The following GPC5 variants were observed in gnomAD, a reference collection of about 807,000 sequenced individuals.
GPC5 encodes glypican-5.
Under a neutral mutation model 53.9 loss-of-function variants are expected in GPC5, and 47 were observed. That is an observed-to-expected ratio of 0.87 (90% CI 0.69 to 1.11). The LOEUF (loss-of-function observed/expected upper bound fraction) is 1.11. Ranked by LOEUF, GPC5 falls within the 50% of genes most tolerant of loss-of-function variation. GPC5 has a pLI of 0.00. For missense variants in GPC5, 748 were observed against 713.1 expected, an observed-to-expected ratio of 1.05 and a Z score of -0.56; for synonymous variants, 286 against 263.3, an observed-to-expected ratio of 1.09 and a Z score of -0.84.
At chr13:92,704,482 A>AT (rs1415290410) in intron 7 of GPC5, among the ~76,000 whole-genome samples, 10 of 152,008 alleles carry the variant, frequency 6.6e-5, no homozygotes, top group African/African-American at 2.2e-4. Context: ...TTTGAAGATG[A>AT]TTTTCCCAAT....
intron 7 of GPC5, among the ~76,000 whole-genome samples, chr13:92,767,665 C>T (rs1357962562): frequency 6.6e-6 from 1 of 152,166 alleles, no homozygotes; most frequent in East Asian, 1.9e-4. Flanking sequence ...CTGTTAGTTA[C>T]ACTGACATAC....
chr13:91,904,719 A>G, intron 5 of GPC5, among the ~76,000 whole-genome samples: 1 of 152,084 alleles, frequency 6.6e-6, no homozygotes, highest in East Asian at 1.9e-4. Context: ...GGAAATTCCT[A>G]TGAGAGAAAA....
At chr13:92,107,967 A>C (rs2041523139) in intron 6 of GPC5, among the ~76,000 whole-genome samples, 1 of 152,288 alleles carries the variant, frequency 6.6e-6, no homozygotes, top group African/African-American at 2.4e-5. Flanking sequence ...TTTTCTCCAT[A>C]AGAAAGTTTC....
At chr13:91,886,677 C>T (rs1039183816) in intron 5 of GPC5, among the ~76,000 whole-genome samples, 10 of 152,276 alleles carry the variant, frequency 6.6e-5, no homozygotes, top group Middle Eastern at 3.4e-3. Context: ...TTGGTCGAAA[C>T]GAAGGGGCTA....
At chr13:92,247,169 GAAAAT>G (rs1170995865) in intron 7 of GPC5, among the ~76,000 whole-genome samples, 1 of 152,052 alleles carries the variant, frequency 6.6e-6, no homozygotes, top group Non-Finnish European at 1.5e-5. Flanking sequence ...CTGAAGAAAA[GAAAAT>G]AAAGATGACT....
At chr13:91,968,883 T>G (rs2040214753) in intron 6 of GPC5, among the ~76,000 whole-genome samples, 1 of 152,114 alleles carries the variant, frequency 6.6e-6, no homozygotes, top group Non-Finnish European at 1.5e-5. Context: ...TTTTCCTTAT[T>G]TTTTGTCTTC....
intron 2 of GPC5, among the ~76,000 whole-genome samples, chr13:91,550,995 T>C (rs1391108073): frequency 1.3e-5 from 2 of 152,142 alleles, no homozygotes; most frequent in African/African-American, 4.8e-5. Flanking sequence ...AATTACCCAG[T>C]CTTGAGTGTG....
chr13:91,556,053 C>A (rs1038268413), intron 2 of GPC5, among the ~76,000 whole-genome samples: 2 of 143,016 alleles, frequency 1.4e-5, no homozygotes, highest in Non-Finnish European at 3.0e-5. Context: ...CCTGGTGTTG[C>A]CCTTTCATAG....
In GPC5 at chr13:91,815,581, G is replaced by T. The variant is rs143387568; in HGVS notation, c.1280+59161G>T. ...TCTGACTCAAATAAATGAAAATCTG[G>T]ACATTATGATTCCTTAGTGAGCACG... On this transcript the variant is annotated intron_variant, in intron 5 of 7. Coordinates refer to ENST00000377067, the MANE Select transcript of GPC5 (RefSeq NM_004466.6). Among the ~76,000 whole-genome samples, 405 of 152,180 alleles carry T rather than the reference G, an allele frequency of 2.7e-3. 2 individuals carry two copies. Among genetic ancestry groups the T allele is most frequent in the Non-Finnish European group, 4.6e-3 (316 of 68,014 alleles).
intron 7 of GPC5, among the ~76,000 whole-genome samples, chr13:92,540,987 T>G (rs1881913670): frequency 6.6e-6 from 1 of 151,798 alleles, no homozygotes; most frequent in Non-Finnish European, 1.5e-5. Flanking sequence ...TAAACACTCA[T>G]AGAACTCATA....
chr13:92,167,797 T>C (rs2042042321), intron 7 of GPC5, among the ~76,000 whole-genome samples: 1 of 152,126 alleles, frequency 6.6e-6, no homozygotes. Context: ...TCATCTGTTG[T>C]TTAACAAATG....
chr13:92,424,993 A>C (rs571698432), intron 7 of GPC5, among the ~76,000 whole-genome samples: 2 of 152,094 alleles, frequency 1.3e-5, no homozygotes, highest in African/African-American at 4.8e-5. Context: ...CATGCTTAAC[A>C]CACCTAAAAT....
At chr13:91,642,275 ATAGT>A (rs1374267237) in intron 2 of GPC5, among the ~76,000 whole-genome samples, 2 of 152,190 alleles carry the variant, frequency 1.3e-5, no homozygotes, top group Non-Finnish European at 2.9e-5. Flanking sequence ...CTCAAAAATG[ATAGT>A]TGGTTGATTG....
chr13:91,827,069 A>G (rs1400974372), intron 5 of GPC5, among the ~76,000 whole-genome samples: 1 of 151,928 alleles, frequency 6.6e-6, no homozygotes, highest in Admixed American at 6.6e-5. Context: ...AAAATAAAAT[A>G]GTGGAATTGG....
intron 7 of GPC5, among the ~76,000 whole-genome samples, chr13:92,722,678 G>C (rs1446137942): frequency 6.6e-6 from 1 of 151,732 alleles, no homozygotes; most frequent in African/African-American, 2.4e-5. Context: ...GATATAGGCA[G>C]GTCCTTATTA....
At chr13:91,804,266 G>A (rs1404943286) in intron 5 of GPC5, among the ~76,000 whole-genome samples, 1 of 152,172 alleles carries the variant, frequency 6.6e-6, no homozygotes, top group Non-Finnish European at 1.5e-5. Flanking sequence ...AGTCACTCTT[G>A]TGAGGGCCTG....
chr13:91,978,438 T>C lies in GPC5; in HGVS notation c.1401+70381T>C, dbSNP rs576313060. On this transcript the variant is annotated intron_variant, in intron 6 of 7. Coordinates refer to ENST00000377067, the MANE Select transcript of GPC5 (RefSeq NM_004466.6). ...ATAAACCAACCACTGGCGACAAATATAGCCATAAGATTACTACCAGTTGTG... is the reference window on the plus strand; with the variant it reads ...ATAAACCAACCACTGGCGACAAATACAGCCATAAGATTACTACCAGTTGTG... Among the ~76,000 whole-genome samples, 14 of 152,222 alleles carry C rather than the reference T, an allele frequency of 9.2e-5. No homozygotes were observed. The East Asian group carries it at 1.2e-3, about 13-fold the overall frequency.
chr13:92,820,368 TTTG>T (rs1159927742), intron 7 of GPC5, among the ~76,000 whole-genome samples: 4 of 152,188 alleles, frequency 2.6e-5, no homozygotes, highest in Admixed American at 6.6e-5. Flanking sequence ...CCTTTCAGGT[TTTG>T]TTGTTGTTGT....
chr13:91,928,734 C>T (rs2139028301), intron 6 of GPC5, among the ~76,000 whole-genome samples: 2 of 152,214 alleles, frequency 1.3e-5, no homozygotes, highest in African/African-American at 4.8e-5. Flanking sequence ...AATACACACC[C>T]CATTCTCCTG....
Sources: gnomAD v4.1 joint callset for allele counts (sites outside exome capture counted in the v4.1 genomes callset) on GRCh38, gnomAD v4.1.1 for gene constraint, MANE v1.5 for transcripts, NCBI Gene and HGNC (gene_info 2026-07-23, HGNC 2026-07-21) for gene names.